Variants in FAM227B observed in about 807,000 individuals in gnomAD.
The protein encoded by FAM227B is protein FAM227B.
In FAM227B, 88 loss-of-function variants were observed where a neutral mutation model predicts 73.8. That is an observed-to-expected ratio of 1.19 (90% confidence interval 1.00 to 1.42). The LOEUF (loss-of-function observed/expected upper bound fraction) is 1.42, where lower values mean the gene tolerates loss of function less well. Ranked by LOEUF, FAM227B falls within the 40% of genes most tolerant of loss-of-function variation. The pLI, the probability that FAM227B is intolerant of heterozygous loss-of-function variation, is 0.00. For missense variants in FAM227B, 632 were observed against 590.9 expected, an observed-to-expected ratio of 1.07 and a Z score of -0.72; for synonymous variants, 210 against 190.5, an observed-to-expected ratio of 1.10 and a Z score of -0.84.
At chr15:49,503,610 G>A (rs1359074060) in intron 11 of FAM227B, among the ~76,000 whole-genome samples, 1 of 152,084 alleles carries the variant, frequency 6.6e-6, no homozygotes, top group African/African-American at 2.4e-5. Context: ...CAAAAAGTGG[G>A]CAAAGGATAT....
intron 11 of FAM227B, among the ~76,000 whole-genome samples, chr15:49,500,213 A>C (rs764083932): frequency 4.6e-5 from 7 of 152,238 alleles, no homozygotes; most frequent in Non-Finnish European, 8.8e-5. Context: ...TTTAAAAACG[A>C]ACTAACTAAA....
chr15:49,583,815 G>C (rs1284337150), intron 5 of FAM227B, among the ~76,000 whole-genome samples: 1 of 152,098 alleles, frequency 6.6e-6, no homozygotes, highest in African/African-American at 2.4e-5. Context: ...GAGCCAAAAA[G>C]AAATTGAATC....
Position 49,399,164 on chromosome 15 carries a change from G to C in FAM227B, c.1013-27765C>G, listed in dbSNP as rs991445672. Among the ~76,000 whole-genome samples, 67 of 146,232 alleles carry C rather than the reference G, an allele frequency of 4.6e-4. 2 individuals are homozygous for C. In the South Asian group the frequency reaches 0.015, roughly 33 times the overall value. On this transcript the variant is annotated intron_variant, in intron 11 of 15. Coordinates refer to ENST00000299338, the MANE Select transcript of FAM227B (RefSeq NM_152647.3). ...AGACGCAATAAAAAATGATAAAGGG[G>C]ATATCACCACCGATCCCACAGAAAT...
At chr15:49,449,399 T>A (rs1192521329) in intron 11 of FAM227B, among the ~76,000 whole-genome samples, 1 of 152,040 alleles carries the variant, frequency 6.6e-6, no homozygotes, top group African/African-American at 2.4e-5. Context: ...TTTAATCTTA[T>A]CTTCTCTAGG....
intron 10 of FAM227B, among the ~76,000 whole-genome samples, chr15:49,528,500 G>A (rs1004137439): frequency 6.6e-6 from 1 of 151,466 alleles, no homozygotes; most frequent in African/African-American, 2.4e-5. Flanking sequence ...ACAGACCAGT[G>A]AGACGTAACC....
intron 9 of FAM227B, among the ~76,000 whole-genome samples, chr15:49,552,067 T>TAGA (rs1417639400): frequency 4.0e-5 from 6 of 151,510 alleles, no homozygotes; most frequent in African/African-American, 1.5e-4. Context: ...TCTGTGTACT[T>TAGA]ACTATTACCA....
chr15:49,369,944 AG>A (rs144764040), intron 12 of FAM227B, among the ~76,000 whole-genome samples: 124 of 152,344 alleles, frequency 8.1e-4, no homozygotes, highest in African/African-American at 2.8e-3. Context: ...AATTAGGTTT[AG>A]ATGAGGTTGT....
chr15:49,426,319 C>T (rs1338235605), intron 11 of FAM227B, among the ~76,000 whole-genome samples: 1 of 151,836 alleles, frequency 6.6e-6, no homozygotes, highest in Non-Finnish European at 1.5e-5. Context: ...TTATCTCACA[C>T]AACGAATGAG....
intron 5 of FAM227B, among the ~76,000 whole-genome samples, chr15:49,581,395 T>G (rs928252956): frequency 6.6e-6 from 1 of 151,956 alleles, no homozygotes. Flanking sequence ...TGGCACAATC[T>G]TGGCTCACTG....
At chr15:49,328,734 A>T (rs1467123845) in intron 15 of FAM227B, 59 bp from the exon 16 acceptor site, 1 of 1,511,004 alleles carries the variant, frequency 6.6e-7, no homozygotes, top group Non-Finnish European at 8.9e-7. Flanking sequence ...GTATAATTGA[A>T]TTTGAATGTG....
At chr15:49,375,519 A>T (rs759042339) in intron 11 of FAM227B, among the ~76,000 whole-genome samples, 5 of 151,996 alleles carry the variant, frequency 3.3e-5, no homozygotes, top group Non-Finnish European at 7.4e-5. Context: ...TTTTTATAAG[A>T]ACCAAAGTGA....
chr15:49,469,791 A>T (rs9972565), intron 11 of FAM227B, among the ~76,000 whole-genome samples: 49,715 of 151,964 alleles, frequency 0.33, 8,893 homozygotes, highest in African/African-American at 0.46. Flanking sequence ...AGCAGTAATG[A>T]GATTGAGAAG....
intron 13 of FAM227B, among the ~76,000 whole-genome samples, chr15:49,345,519 A>G (rs1021549685): frequency 2.0e-5 from 3 of 152,234 alleles, no homozygotes; most frequent in Non-Finnish European, 2.9e-5. Flanking sequence ...CGAATTAGAT[A>G]AAACAGAATA....
At chr15:49,508,621 T>C (rs1181111071) in intron 10 of FAM227B, among the ~76,000 whole-genome samples, 2 of 152,040 alleles carry the variant, frequency 1.3e-5, no homozygotes, top group African/African-American at 2.4e-5. Context: ...TATGAACTAA[T>C]ATTATTATTA....
At chr15:49,525,693 T>C (rs1184085563) in intron 10 of FAM227B, among the ~76,000 whole-genome samples, 1,060 of 65,150 alleles carry the variant, frequency 0.016, 63 homozygotes, top group African/African-American at 0.02. Context: ...TATATATATA[T>C]ATATATATAT....
intron 11 of FAM227B, chr15:49,395,895 A>C: frequency 2.2e-6 from 1 of 455,044 alleles, no homozygotes. Context: ...GAGGATTCAG[A>C]AACTTCCAGG....
rs554262629 is a variant in FAM227B at position 49,569,764 on chromosome 15, T to C, written c.646-1418A>G. On this transcript the variant is annotated intron_variant, in intron 8 of 15. Coordinates refer to ENST00000299338, the MANE Select transcript of FAM227B (RefSeq NM_152647.3). ...CTGTCTCACTGAAACTCTTTACCCT[T>C]TGAACATGTGCCCATTGCCATTCAG... Among the ~76,000 whole-genome samples, 8 of 152,118 alleles carry C rather than the reference T, an allele frequency of 5.3e-5. No individual in the cohort carries two copies. In the South Asian group the frequency reaches 1.7e-3, roughly 32 times the overall value.
intron 11 of FAM227B, among the ~76,000 whole-genome samples, chr15:49,385,681 A>AAAT (rs1481827486): frequency 6.6e-6 from 1 of 151,716 alleles, no homozygotes. Context: ...TAAAAGGCCT[A>AAAT]AATACTCCAC....
Position 49,328,926 on chromosome 15 carries a change from A to G in FAM227B, c.1420-251T>C, listed in dbSNP as rs1036354423. 42 of 1,198,888 alleles carry G rather than the reference A, an allele frequency of 3.5e-5. No homozygotes were observed. The African/African-American group carries it at 5.4e-4, about 15-fold the overall frequency. 74.3% of individuals were successfully genotyped at this position (1,198,888 alleles called of 1,614,324 possible). On this transcript the variant is annotated intron_variant, in intron 15 of 15. Coordinates refer to ENST00000299338, the MANE Select transcript of FAM227B (RefSeq NM_152647.3). ...TAATAGAAAAACTTAGATAAAAAACACTTTAAGACTCTTCTATTCACATTG... is the reference window on the plus strand; with the variant it reads ...TAATAGAAAAACTTAGATAAAAAACGCTTTAAGACTCTTCTATTCACATTG...
Sources: allele counts gnomAD v4.1 joint callset (sites outside exome capture counted in the v4.1 genomes callset), GRCh38; gene constraint gnomAD v4.1.1; transcripts MANE v1.5; gene names NCBI Gene and HGNC (gene_info 2026-07-23, HGNC 2026-07-21).